The following CAST variants were observed in gnomAD, a reference collection of about 807,000 sequenced individuals.
CAST encodes MIR583 host.
A neutral mutation model predicts 119.6 loss-of-function variants in CAST; 76 were observed. The observed-to-expected ratio is 0.64, with a 90% CI of 0.53 to 0.77. CAST has a LOEUF of 0.77. CAST is among the 30% of genes least tolerant of loss of function. The probability of loss-of-function intolerance (pLI) is 0.00; values close to 1 mark genes in which losing one functional copy is unlikely to be tolerated. For missense variants in CAST, 953 were observed against 946.5 expected (o/e 1.01, Z -0.09); for synonymous variants, 319 against 331.6 (o/e 0.96, Z 0.41).
intron 1 of CAST, among the ~76,000 whole-genome samples, chr5:96,573,262 C>A (rs186334953): frequency 2.6e-5 from 4 of 152,042 alleles, no homozygotes; most frequent in Non-Finnish European, 5.9e-5. Flanking sequence ...TCTTGAGTTA[C>A]CTTGAAATGT....
the CAST span, among the ~76,000 whole-genome samples, chr5:96,242,334 T>C: frequency 6.6e-6 from 1 of 152,214 alleles, no homozygotes; most frequent in Admixed American, 6.5e-5. Context: ...TGTGGCTATG[T>C]TGCTTAGCCT....
chr5:95,992,273 A>G, the CAST span, among the ~76,000 whole-genome samples: 25 of 152,346 alleles, frequency 1.6e-4, no homozygotes, highest in East Asian at 4.8e-3. Context: ...CAACCGATAC[A>G]TAGAATCATT....
the CAST span, among the ~76,000 whole-genome samples, chr5:96,245,278 A>G: frequency 4.6e-5 from 7 of 152,196 alleles, no homozygotes; most frequent in African/African-American, 1.4e-4. Context: ...AAGGTTTTAG[A>G]CACACTTGTG....
chr5:96,733,400 A>T (rs577649989), intron 9 of CAST, among the ~76,000 whole-genome samples: 1 of 152,364 alleles, frequency 6.6e-6, no homozygotes, highest in Non-Finnish European at 1.5e-5. Flanking sequence ...TAGGCCCGCT[A>T]AAATAGATTT....
the CAST span, among the ~76,000 whole-genome samples, chr5:96,012,735 A>G: frequency 6.6e-6 from 1 of 152,074 alleles, no homozygotes; most frequent in Non-Finnish European, 1.5e-5. Flanking sequence ...CCCCTCCCCA[A>G]ATTTATACTT....
chr5:96,648,717 CGT>C lies in CAST; in HGVS notation c.61-26796_61-26795del, dbSNP rs72068689. 2.5e-3 allele frequency among the ~76,000 whole-genome samples: 378 copies of C among 148,708 alleles called. 5 individuals carry two copies. In the East Asian group the frequency reaches 0.026, roughly 10 times the overall value. ...GGGAGAAGTTTTATTTATATATATG[CGT>C]GTGTGTGTGTGTGTGTGTGTGTGTG... On this transcript the variant is annotated intron_variant, in intron 1 of 11. Coordinates refer to the CAST transcript ENST00000505143.
chr5:96,421,303 T>C, the CAST span, among the ~76,000 whole-genome samples: 585 of 152,320 alleles, frequency 3.8e-3, 3 homozygotes, highest in African/African-American at 0.014. Flanking sequence ...CTCTTTCCTA[T>C]GGCCTTATAG....
chr5:96,506,314 C>T, the CAST span, among the ~76,000 whole-genome samples: 1 of 147,032 alleles, frequency 6.8e-6, no homozygotes, highest in Non-Finnish European at 1.5e-5. Context: ...TGAGCACCTA[C>T]TAATGTTTTA....
chr5:96,227,911 T>C, the CAST span, among the ~76,000 whole-genome samples: 2 of 152,298 alleles, frequency 1.3e-5, no homozygotes, highest in East Asian at 1.9e-4. Flanking sequence ...GTATGGTGGA[T>C]TTTGTCACTG....
intron 1 of CAST, among the ~76,000 whole-genome samples, chr5:96,674,460 G>A (rs912231508): frequency 6.6e-6 from 1 of 151,978 alleles, no homozygotes; most frequent in East Asian, 1.9e-4. Context: ...CCAATGATGA[G>A]CTTTTATTTT....
At chr5:96,689,499 A>G (rs1446387689) in intron 2 of CAST, among the ~76,000 whole-genome samples, 2 of 152,212 alleles carry the variant, frequency 1.3e-5, no homozygotes, top group Non-Finnish European at 2.9e-5. Context: ...TAGATTCTGT[A>G]AAGGTAGTAG....
the CAST span, among the ~76,000 whole-genome samples, chr5:96,057,795 T>G: frequency 6.6e-6 from 1 of 152,192 alleles, no homozygotes; most frequent in Admixed American, 6.5e-5. Flanking sequence ...TGAAATGTTG[T>G]CACATCAGGT....
chr5:96,359,404 G>A, the CAST span, among the ~76,000 whole-genome samples: 1 of 152,270 alleles, frequency 6.6e-6, no homozygotes, highest in African/African-American at 2.4e-5. Flanking sequence ...TTGCCCATTA[G>A]TTGATGCAGT....
At chr5:96,589,267 T>C (rs2150191229) in intron 1 of CAST, among the ~76,000 whole-genome samples, 1 of 152,290 alleles carries the variant, frequency 6.6e-6, no homozygotes, top group South Asian at 2.1e-4. Context: ...TTCAAGGACA[T>C]TCAAGAAAGA....
At chr5:96,485,847 T>A in the CAST span, among the ~76,000 whole-genome samples, 1 of 152,168 alleles carries the variant, frequency 6.6e-6, no homozygotes, top group African/African-American at 2.4e-5. Context: ...AGCATCCTTA[T>A]TTGTGAACCA....
chr5:96,508,819 G>A, the CAST span, among the ~76,000 whole-genome samples: 1 of 152,174 alleles, frequency 6.6e-6, no homozygotes, highest in Non-Finnish European at 1.5e-5. Context: ...ACATGGCAGA[G>A]TAGTTAAGGG....
chr5:96,675,718 T>A (rs1750622953), intron 2 of CAST, 117 bp downstream of exon 2: 4 of 714,724 alleles, frequency 5.6e-6, no homozygotes, highest in Non-Finnish European at 9.3e-6. Context: ...ATTGGGAAAT[T>A]TTGATTTAAC....
the CAST span, among the ~76,000 whole-genome samples, chr5:96,422,513 C>T: frequency 6.6e-6 from 1 of 152,140 alleles, no homozygotes; most frequent in Non-Finnish European, 1.5e-5. Flanking sequence ...CTTTTCCAAC[C>T]CAATAGCTAC....
At chr5:96,432,083 T>C in the CAST span, 1 of 1,531,910 alleles carries the variant, frequency 6.5e-7, no homozygotes, top group Non-Finnish European at 8.7e-7. Context: ...GATTACGTAC[T>C]TGGCTGAAGA....
Sources: gnomAD v4.1 joint callset for allele counts (sites outside exome capture counted in the v4.1 genomes callset) on GRCh38, gnomAD v4.1.1 for gene constraint, MANE v1.5 for transcripts, NCBI Gene and HGNC (gene_info 2026-07-23, HGNC 2026-07-21) for gene names.